The following CREBRF variants were observed in gnomAD, a reference collection of about 807,000 sequenced individuals.
CREBRF encodes CREB3 regulatory factor, also known as UPF0474 protein C5orf41.
A neutral mutation model predicts 66.1 loss-of-function variants in CREBRF; 5 were observed. The observed-to-expected ratio is 0.08, with a 90% CI of 0.04 to 0.16. CREBRF has a LOEUF of 0.16. Among genes scored for constraint, CREBRF ranks in the 10% least tolerant of loss-of-function variants. CREBRF has a pLI of 1.00. For synonymous variants in CREBRF, 229 were observed against 264.4 expected, an observed-to-expected ratio of 0.87 and a Z score of 1.30; for missense variants, 531 against 744.9, an observed-to-expected ratio of 0.71 and a Z score of 3.34.
At position 173,135,016 on chromosome 5, in the gene CREBRF, A is replaced by G. The variant is rs1759555210; in HGVS notation, c.*1271A>G. The stretch of plus-strand genomic sequence containing the variant: ...ACTTTGAAAATTAAAATGTTTATTT[A>G]GCTTATTGTAGTATACTTCCACCAG... On this transcript the variant is annotated 3_prime_UTR_variant, in exon 9 of 9. Transcript: ENST00000296953. 1.3e-5 allele frequency: 2 copies of G among 152,322 alleles called. No individual in the cohort carries two copies. Among genetic ancestry groups the G allele is most frequent in the African/African-American group, 2.4e-5 (1 of 41,440 alleles). The allele number at this position is 152,322 out of a possible 1,614,324, so 9.4% of individuals were successfully genotyped here.
intron 4 of CREBRF, among the ~76,000 whole-genome samples, chr5:173,108,020 G>C (rs1454402050): frequency 4.6e-5 from 7 of 151,296 alleles, no homozygotes; most frequent in Non-Finnish European, 1.0e-4. Flanking sequence ...TTTTAGTAGA[G>C]ACGATTTTGC....
intron 4 of CREBRF, among the ~76,000 whole-genome samples, chr5:173,107,795 G>A (rs1029863437): frequency 6.6e-5 from 10 of 150,744 alleles, no homozygotes; most frequent in African/African-American, 2.4e-4. Context: ...TGGCAACATA[G>A]TGAGACCTCT....
At chr5:173,099,180 G>C (rs989955489) in intron 4 of CREBRF, among the ~76,000 whole-genome samples, 1 of 151,898 alleles carries the variant, frequency 6.6e-6, no homozygotes, top group Non-Finnish European at 1.5e-5. Flanking sequence ...TTTTGAGACA[G>C]GTTCTTATTC....
chr5:173,099,002 C>G (rs1045760727), intron 4 of CREBRF, among the ~76,000 whole-genome samples: 1 of 151,956 alleles, frequency 6.6e-6, no homozygotes, highest in South Asian at 2.1e-4. Flanking sequence ...GCTTCAGCCT[C>G]CTGAGTAGCT....
intron 4 of CREBRF, among the ~76,000 whole-genome samples, chr5:173,106,586 CT>C (rs1288460186): frequency 1.3e-5 from 2 of 151,934 alleles, no homozygotes; most frequent in Non-Finnish European, 1.5e-5. Flanking sequence ...CAAATTGATT[CT>C]TTTTTTTAAA....
intron 8 of CREBRF, among the ~76,000 whole-genome samples, chr5:173,129,569 C>G (rs775530985): frequency 6.6e-6 from 1 of 151,728 alleles, no homozygotes; most frequent in Non-Finnish European, 1.5e-5. Context: ...AAAAAAAATA[C>G]AAAAAGTTAG....
At chr5:173,087,155 C>T (rs2113727444) in intron 3 of CREBRF, among the ~76,000 whole-genome samples, 1 of 152,202 alleles carries the variant, frequency 6.6e-6, no homozygotes, top group African/African-American at 2.4e-5. Flanking sequence ...CCACGTTGGC[C>T]AGGCTGGTCT....
rs1207507509 is a variant in CREBRF, at chr5:173,135,654, A to C, written c.*1909A>C. ...TTATACTTTGACTATAAAGTGTCAA[A>C]GTATAATTTGTTCTTTTCTTTTACT... is the stretch of plus-strand genomic sequence containing the variant. On this transcript the variant is annotated 3_prime_UTR_variant, in exon 9 of 9. Coordinates refer to ENST00000296953, the MANE Select transcript of CREBRF (RefSeq NM_153607.3). 1.3e-5 allele frequency: 2 copies of C among 152,204 alleles called. No individual in the cohort carries two copies. The highest frequency in any genetic ancestry group is 4.8e-5 in the African/African-American group (2 of 41,438). The allele number at this position is 152,204 out of a possible 1,614,324, so 9.4% of individuals were successfully genotyped here. A position where few individuals can be genotyped will look rare whatever the true frequency, so the allele number is the denominator to read the frequency against.
rs770773866 is a variant in CREBRF, at chr5:173,086,663, T to A, written c.135+37T>A. ...TTTCTTGGTTTTGGTCTTGATTGAT[T>A]TGGGGTAAAAGTTTGTGGGAGAGTT... On this transcript the variant is annotated intron_variant, in intron 3 of 8. Coordinates refer to ENST00000296953, the MANE Select transcript of CREBRF (RefSeq NM_153607.3). 3 of 1,571,056 alleles carry A rather than the reference T, an allele frequency of 1.9e-6. No individual in the cohort carries two copies. The Admixed American group carries it at 5.6e-5, about 29-fold the overall frequency.
intron 2 of CREBRF, chr5:173,085,385 C>A (rs1437661122): frequency 2.5e-6 from 3 of 1,221,084 alleles, no homozygotes; most frequent in South Asian, 2.5e-5. Context: ...GGCTCCAGGG[C>A]AGCCAATATT....
chr5:173,059,714 G>A (rs1340568955), intron 1 of CREBRF, among the ~76,000 whole-genome samples: 1 of 152,144 alleles, frequency 6.6e-6, no homozygotes, highest in Non-Finnish European at 1.5e-5. Flanking sequence ...TTTCACTGTT[G>A]CATCGGTTGA....
chr5:173,083,632 A>G (rs1356946337), intron 2 of CREBRF, among the ~76,000 whole-genome samples: 2 of 152,198 alleles, frequency 1.3e-5, no homozygotes, highest in African/African-American at 4.8e-5. Flanking sequence ...AAAATAAGAC[A>G]TGGGACTCAG....
chr5:173,060,906 A>G (rs1217490636), intron 1 of CREBRF, among the ~76,000 whole-genome samples: 1 of 152,110 alleles, frequency 6.6e-6, no homozygotes, highest in Non-Finnish European at 1.5e-5. Flanking sequence ...CTGTGCCTCT[A>G]TTTGTGCTTC....
chr5:173,105,082 G>C (rs577556551), intron 4 of CREBRF, among the ~76,000 whole-genome samples: 4 of 152,268 alleles, frequency 2.6e-5, no homozygotes, highest in East Asian at 1.9e-4. Context: ...ATTTTAGTTC[G>C]TATAAATGGA....
chr5:173,073,321 A>T (rs1757651162), intron 1 of CREBRF, among the ~76,000 whole-genome samples: 1 of 152,214 alleles, frequency 6.6e-6, no homozygotes, highest in African/African-American at 2.4e-5. Context: ...GGTTATCCTG[A>T]TACCAAGACT....
Position 173,080,655 on chromosome 5 carries a change from A to G in CREBRF, c.-121A>G, listed in dbSNP as rs1757914076. ...AATTGAATTGGAAGCACTCTGGGGA[A>G]ACCTGCTGTTTATTGTGGAAATCAT... On this transcript the variant is annotated 5_prime_UTR_variant, in exon 2 of 9. Transcript: ENST00000296953. The G allele has an allele frequency of 1.0e-6, 1 of 969,566 alleles. No individual in the cohort carries two copies. The highest frequency in any genetic ancestry group is 1.6e-5 in the African/African-American group (1 of 61,182). The allele number at this position is 969,566 out of a possible 1,614,324, so 60.1% of individuals were successfully genotyped here. A position where few individuals can be genotyped will look rare whatever the true frequency, so the allele number is the denominator to read the frequency against.
intron 1 of CREBRF, among the ~76,000 whole-genome samples, chr5:173,075,124 C>G (rs1346817895): frequency 6.6e-6 from 1 of 152,092 alleles, no homozygotes; most frequent in East Asian, 1.9e-4. Flanking sequence ...TCCTCTTTTC[C>G]CATTGTCCTT....
At chr5:173,102,220 A>G (rs1758645866) in intron 4 of CREBRF, among the ~76,000 whole-genome samples, 1 of 152,162 alleles carries the variant, frequency 6.6e-6, no homozygotes, top group African/African-American at 2.4e-5. Context: ...GATCTGCATT[A>G]TTTTGGATCA....
chr5:173,131,633 T>C (rs1271457045), intron 8 of CREBRF, among the ~76,000 whole-genome samples: 8 of 152,182 alleles, frequency 5.3e-5, no homozygotes, highest in African/African-American at 1.9e-4. Flanking sequence ...GCACATAATA[T>C]CAGATTGTCT....
Sources: allele counts gnomAD v4.1 joint callset (sites outside exome capture counted in the v4.1 genomes callset), GRCh38; gene constraint gnomAD v4.1.1; transcripts MANE v1.5; gene names NCBI Gene and HGNC (gene_info 2026-07-23, HGNC 2026-07-21).